Variants in FCGR3A observed in about 807,000 individuals in gnomAD.
FCGR3A encodes Fc gamma receptor IIIa.
In FCGR3A, 13 loss-of-function variants were observed where a neutral mutation model predicts 24.1. The observed-to-expected ratio is 0.54, with a 90% CI of 0.35 to 0.86. The LOEUF (loss-of-function observed/expected upper bound fraction) is 0.86, where lower values mean the gene tolerates loss of function less well. Ranked by LOEUF, FCGR3A falls within the 40% of genes least tolerant of loss-of-function variation. FCGR3A has a pLI of 0.01. For missense variants in FCGR3A, 235 were observed against 298.0 expected, an observed-to-expected ratio of 0.79 and a Z score of 1.56; for synonymous variants, 93 against 112.2, an observed-to-expected ratio of 0.83 and a Z score of 1.08.
chr1:161,547,830 G>C (rs2102529993), intron 3 of FCGR3A, among the ~76,000 whole-genome samples: 1 of 152,424 alleles, frequency 6.6e-6, no homozygotes, highest in Non-Finnish European at 1.5e-5. Context: ...AGCACTTTGG[G>C]AAGCCAAGGC....
rs1677651047 is a variant in FCGR3A, at chr1:161,549,700, G to T, written c.37C>A (p.Leu13Ile). The T allele has an allele frequency of 6.2e-7, 1 of 1,613,682 alleles. No individual in the cohort carries two copies. Among genetic ancestry groups the T allele is most frequent in the Non-Finnish European group, 8.5e-7 (1 of 1,179,894 alleles). The change falls in exon 1 of 5, where the codon CTA becomes ATA. Residue 13 changes from leucine to isoleucine, a missense_variant. Coordinates refer to ENST00000443193, the MANE Select transcript of FCGR3A (RefSeq NM_000569.8). ...AACCAGGGAGACCCTGACTTACCTA[G>T]AAGTAGCAGAGCAGTTGGGAGGAGC... ...QLLLPTALLLLVSAGMRTEDL... is the reference protein window; with the variant it reads ...QLLLPTALLLIVSAGMRTEDL...
At position 161,549,131 on chromosome 1, in the gene FCGR3A, G is replaced by A. The variant is rs2102535504; in HGVS notation, c.41-100C>T. Reference sequence around the variant, plus strand: ...AACTCCCCTGCCCTCCTCTGCCCCAGGAGCCCAATTTTCCCAAGAATCAGG... The same window carrying A: ...AACTCCCCTGCCCTCCTCTGCCCCAAGAGCCCAATTTTCCCAAGAATCAGG... On this transcript the variant is annotated intron_variant, in intron 1 of 4. Transcript: ENST00000443193. 7.1e-6 allele frequency: 7 copies of A among 986,606 alleles called. No individual in the cohort carries two copies. The South Asian group carries it at 8.3e-5, about 12-fold the overall frequency. The allele number at this position is 986,606 out of a possible 1,614,324, so 61.1% of individuals were successfully genotyped here. A position where few individuals can be genotyped will look rare whatever the true frequency, so the allele number is the denominator to read the frequency against.
Position 161,543,143 on chromosome 1 carries a change from A to C in FCGR3A, c.634T>G (p.Cys212Gly). ...FFPPGYQVSF[C>G]LVMVLLFAVD... is the part of the protein sequence containing the mutation. ...GCAAAAAGGAGTACCATCACCAAGC[A>C]GAAAGAGACTTGGTACCCAGGTGGA... Residue 212 changes from cysteine to glycine, a missense_variant, in exon 5 of 5, where the codon TGC (cysteine) becomes GGC (glycine). Transcript: ENST00000443193. 6.2e-7 allele frequency: 1 copy of C among 1,613,542 alleles called. No homozygotes were observed. The highest frequency in any genetic ancestry group is 1.7e-5 in the Admixed American group (1 of 59,968).
In FCGR3A at chr1:161,542,709, T is replaced by C; in HGVS notation, c.*303A>G. 3.9e-6 allele frequency: 1 copy of C among 258,470 alleles called. No individual in the cohort carries two copies. The highest frequency in any genetic ancestry group is 4.9e-5 in the Admixed American group (1 of 20,498). The allele number at this position is 258,470 out of a possible 1,614,324, so 16.0% of individuals were successfully genotyped here. A position where few individuals can be genotyped will look rare whatever the true frequency, so the allele number is the denominator to read the frequency against. The stretch of plus-strand genomic sequence containing the variant: ...TTTTTGTATGTTTAAAGGATTACCA[T>C]CCCTAGCCTGTATTGTTGCTTTGCT... On this transcript the variant is annotated 3_prime_UTR_variant, in exon 5 of 5. Coordinates refer to ENST00000443193, the MANE Select transcript of FCGR3A (RefSeq NM_000569.8).
intron 3 of FCGR3A, among the ~76,000 whole-genome samples, chr1:161,546,244 A>G (rs1206576129): frequency 6.6e-6 from 1 of 152,094 alleles, no homozygotes; most frequent in Non-Finnish European, 1.5e-5. Flanking sequence ...GTGCCTATCT[A>G]TCCACTTACT....
intron 1 of FCGR3A, among the ~76,000 whole-genome samples, chr1:161,549,347 C>T (rs1420056965): frequency 6.6e-6 from 1 of 151,952 alleles, no homozygotes; most frequent in Non-Finnish European, 1.5e-5. Flanking sequence ...ACCCATATCC[C>T]CACAAGAAAG....
chr1:161,549,833 C>G, upstream of FCGR3A: 1 of 1,613,408 alleles, frequency 6.2e-7, no homozygotes, highest in Non-Finnish European at 8.5e-7. Flanking sequence ...TTTCCCCAGC[C>G]CCTCCACCCA....
upstream of FCGR3A, chr1:161,549,955 G>A: frequency 1.5e-6 from 2 of 1,304,300 alleles, no homozygotes; most frequent in East Asian, 2.4e-5. Context: ...GAGCCTGGAG[G>A]CAAGGTGGGT....
chr1:161,543,050 G>C lies in FCGR3A; in HGVS notation c.727C>G (p.His243Asp), dbSNP rs1677200013. 8 of 1,612,872 alleles carry C rather than the reference G, an allele frequency of 5.0e-6. No homozygotes were observed. In the East Asian group the frequency reaches 1.6e-4, roughly 31 times the overall value. ...GGGTCCTTTCTCCATTTAAATTTAT[G>C]GTCCTTCCAGTCTCTTGTTGAGCTT... ...IRSSTRDWKDHKFKWRKDPQD... is the reference protein window; with the variant it reads ...IRSSTRDWKDDKFKWRKDPQD... The change falls in exon 5 of 5, where the codon CAT becomes GAT. Residue 243 changes from histidine to aspartate, a missense_variant. Physicochemically the swap from His to Asp is moderately conservative, Grantham distance 81. Transcript: ENST00000443193.
At chr1:161,544,075 A>T (rs981718378) in intron 4 of FCGR3A, among the ~76,000 whole-genome samples, 3 of 152,294 alleles carry the variant, frequency 2.0e-5, no homozygotes, top group Admixed American at 1.3e-4. Context: ...TTCATCTGTA[A>T]AATGGAATAT....
intron 3 of FCGR3A, among the ~76,000 whole-genome samples, chr1:161,547,216 T>C (rs1677459133): frequency 6.6e-6 from 1 of 152,160 alleles, no homozygotes; most frequent in Non-Finnish European, 1.5e-5. Flanking sequence ...GAAATGGACA[T>C]ATCTTCTTGT....
chr1:161,544,680 C>G (rs1486661993), intron 4 of FCGR3A, 21 bp downstream of exon 4: 1 of 1,608,990 alleles, frequency 6.2e-7, no homozygotes, highest in African/African-American at 1.3e-5. Context: ...CCTGGGCATT[C>G]CAGGGTGGCA....
At chr1:161,546,924 AAC>A (rs570706270) in intron 3 of FCGR3A, among the ~76,000 whole-genome samples, 1 of 151,834 alleles carries the variant, frequency 6.6e-6, no homozygotes, top group South Asian at 2.1e-4. Context: ...AACAAAAACA[AAC>A]ACAAACAAAC....
intron 3 of FCGR3A, among the ~76,000 whole-genome samples, chr1:161,546,560 A>G (rs1677405660): frequency 6.6e-6 from 1 of 152,050 alleles, no homozygotes; most frequent in Non-Finnish European, 1.5e-5. Context: ...GGCTAAGAAT[A>G]AAGGACTGCG....
chr1:161,542,936 A>T lies in FCGR3A; in HGVS notation c.*76T>A. ...CTGCTGCTTGTAGAGAGGCCTGAGG[A>T]TGATGGGGTTGCAAATCCAGAGAAA... On this transcript the variant is annotated 3_prime_UTR_variant, in exon 5 of 5. Coordinates refer to ENST00000443193, the MANE Select transcript of FCGR3A (RefSeq NM_000569.8). The T allele has an allele frequency of 3.4e-6, 4 of 1,160,990 alleles. No individual in the cohort carries two copies. Among genetic ancestry groups the T allele is most frequent in the Non-Finnish European group, 5.0e-6 (4 of 806,488 alleles). 71.9% of individuals were successfully genotyped at this position (1,160,990 alleles called of 1,614,324 possible). A position where few individuals can be genotyped will look rare whatever the true frequency, so the allele number is the denominator to read the frequency against.
Position 161,542,934 on chromosome 1 carries a change from G to A in FCGR3A, c.*78C>T. On this transcript the variant is annotated 3_prime_UTR_variant, in exon 5 of 5. Coordinates refer to ENST00000443193, the MANE Select transcript of FCGR3A (RefSeq NM_000569.8). Reference sequence around the variant, plus strand: ...TCCTGCTGCTTGTAGAGAGGCCTGAGGATGATGGGGTTGCAAATCCAGAGA... The same window carrying A: ...TCCTGCTGCTTGTAGAGAGGCCTGAAGATGATGGGGTTGCAAATCCAGAGA... 1 of 1,142,946 alleles carries A rather than the reference G, an allele frequency of 8.7e-7. No homozygotes were observed. The highest frequency in any genetic ancestry group is 2.4e-4 in the Middle Eastern group (1 of 4,238). 70.8% of individuals were successfully genotyped at this position (1,142,946 alleles called of 1,614,324 possible). A position where few individuals can be genotyped will look rare whatever the true frequency, so the allele number is the denominator to read the frequency against.
chr1:161,543,594 A>G (rs1677234632), intron 4 of FCGR3A, among the ~76,000 whole-genome samples: 1 of 147,250 alleles, frequency 6.8e-6, no homozygotes, highest in East Asian at 2.0e-4. Context: ...TCCAAACTTA[A>G]AAAAAAAATG....
At chr1:161,549,917 C>A, upstream of FCGR3A, 1 of 1,558,274 alleles carries the variant, frequency 6.4e-7, no homozygotes, top group East Asian at 2.3e-5. Flanking sequence ...CAAGGGAGCC[C>A]CACCATAGAA....
Position 161,543,027 on chromosome 1 carries a change from G to C in FCGR3A, c.750C>G (p.Asp250Glu). 6.2e-7 allele frequency: 1 copy of C among 1,611,928 alleles called. No homozygotes were observed. The highest frequency in any genetic ancestry group is 8.5e-7 in the Non-Finnish European group (1 of 1,178,850). The change falls in exon 5 of 5, where the codon GAC becomes GAG. Residue 250 changes from aspartate to glutamate, a missense_variant. Physicochemically the swap from Asp to Glu is conservative, Grantham distance 45 (BLOSUM62 2). Coordinates refer to ENST00000443193, the MANE Select transcript of FCGR3A (RefSeq NM_000569.8). ...WKDHKFKWRK[D>E]PQDK is the part of the protein sequence containing the mutation. ...GGGATGGGGGTCATTTGTCTTGAGG[G>C]TCCTTTCTCCATTTAAATTTATGGT...
Sources: allele counts gnomAD v4.1 joint callset (sites outside exome capture counted in the v4.1 genomes callset), GRCh38; gene constraint gnomAD v4.1.1; transcripts MANE v1.5; gene names NCBI Gene and HGNC (gene_info 2026-07-23, HGNC 2026-07-21).